COG4: variants seen among roughly 807,000 people sequenced by gnomAD.
The protein encoded by COG4 is component of oligomeric golgi complex 4.
Under a neutral mutation model 95.1 loss-of-function variants are expected in COG4, and 65 were observed. The observed-to-expected ratio is 0.68, with a 90% CI of 0.56 to 0.84. The LOEUF (loss-of-function observed/expected upper bound fraction) is 0.84. Ranked by LOEUF, COG4 falls within the 40% of genes least tolerant of loss-of-function variation. COG4 has a pLI of 0.00. For synonymous variants in COG4, 421 were observed against 374.8 expected (o/e 1.12, Z -1.42); for missense variants, 1,045 against 989.1 (o/e 1.06, Z -0.76).
Position 70,506,393 on chromosome 16 carries a change from A to G in COG4, c.1061+2013T>C, listed in dbSNP as rs1326708247. Among the ~76,000 whole-genome samples, 3 of 150,838 alleles carry G rather than the reference A, an allele frequency of 2.0e-5. No homozygotes were observed. The Admixed American group carries it at 2.0e-4, about 10-fold the overall frequency. On this transcript the variant is annotated intron_variant, in intron 8 of 18. Transcript: ENST00000323786. ...ACTCCAGCCTGGGTGACAGAGCGAGACTCCGTCTAAATTAAAAAAAACCTC... is the reference window on the plus strand; with the variant it reads ...ACTCCAGCCTGGGTGACAGAGCGAGGCTCCGTCTAAATTAAAAAAAACCTC...
chr16:70,505,005 G>T (rs1460643915), intron 8 of COG4, among the ~76,000 whole-genome samples: 1 of 151,786 alleles, frequency 6.6e-6, no homozygotes, highest in African/African-American at 2.4e-5. Flanking sequence ...GTTCAGAATA[G>T]TGTCTGGCAT....
chr16:70,511,550 A>T lies in COG4; in HGVS notation c.738+689T>A, dbSNP rs28536132. 6.7e-3 allele frequency among the ~76,000 whole-genome samples: 889 copies of T among 132,500 alleles called. 3 individuals are homozygous for T. The highest frequency in any genetic ancestry group is 0.027 in the African/African-American group (807 of 30,448). 86.9% of individuals were successfully genotyped at this position (132,500 alleles called of 152,430 possible). ...GGTAACACAGTGAGACCGTTTCTAT[A>T]AAAAAAAAAAAAAATTGCAACGCAT... On this transcript the variant is annotated intron_variant, in intron 5 of 18. Coordinates refer to ENST00000323786, the MANE Select transcript of COG4 (RefSeq NM_015386.3).
intron 8 of COG4, among the ~76,000 whole-genome samples, chr16:70,507,972 G>A (rs1350713976): frequency 6.6e-6 from 1 of 151,790 alleles, no homozygotes; most frequent in Non-Finnish European, 1.5e-5. Flanking sequence ...CCAGGCTGGA[G>A]TGCAGTGGTG....
chr16:70,507,755 G>A lies in COG4; in HGVS notation c.1061+651C>T, dbSNP rs2049608590. Among the ~76,000 whole-genome samples the A allele has an allele frequency of 3.3e-5, 5 of 151,440 alleles. No homozygotes were observed. The South Asian group carries it at 1.0e-3, about 32-fold the overall frequency. On this transcript the variant is annotated intron_variant, in intron 8 of 18. Coordinates refer to ENST00000323786, the MANE Select transcript of COG4 (RefSeq NM_015386.3). The stretch of plus-strand genomic sequence containing the variant: ...TGCACGCCTGTAGTTCCAGCTACTT[G>A]GGAGGCTGAGGGAGGAGAATCGCTT...
chr16:70,505,873 A>G (rs902503451), intron 8 of COG4, among the ~76,000 whole-genome samples: 1 of 151,948 alleles, frequency 6.6e-6, no homozygotes, highest in African/African-American at 2.4e-5. Context: ...GGCTGGATAC[A>G]GGGGCTCATG....
intron 13 of COG4, among the ~76,000 whole-genome samples, chr16:70,489,294 C>T (rs2049196573): frequency 1.3e-5 from 2 of 151,372 alleles, no homozygotes; most frequent in African/African-American, 4.9e-5. Context: ...TCTCGGCTCA[C>T]TGCAACCTCT....
At chr16:70,520,367 CGGGGGGTG>C (rs2049910379) in intron 1 of COG4, among the ~76,000 whole-genome samples, 1 of 17,690 alleles carries the variant, frequency 5.7e-5, no homozygotes, top group Non-Finnish European at 1.0e-4. Flanking sequence ...GACATGAACC[CGGGGGGTG>C]GGGGGGGGGG....
chr16:70,507,275 A>C (rs9939252), intron 8 of COG4, among the ~76,000 whole-genome samples: 20,248 of 151,794 alleles, frequency 0.13, 4,031 homozygotes, highest in African/African-American at 0.43. Context: ...ACAACAACAA[A>C]AAAAAACTGT....
At chr16:70,501,330 A>C in intron 8 of COG4, 1 of 543,988 alleles carries the variant, frequency 1.8e-6, no homozygotes. Context: ...GACCTAAATA[A>C]AAGGTTGGGA....
At chr16:70,517,227 A>G (rs1264789950) in intron 3 of COG4, among the ~76,000 whole-genome samples, 1 of 152,066 alleles carries the variant, frequency 6.6e-6, no homozygotes, top group East Asian at 1.9e-4. Flanking sequence ...TGTAGTTAGT[A>G]GAGGGCAGTA....
intron 9 of COG4, among the ~76,000 whole-genome samples, chr16:70,498,268 G>C (rs911460979): frequency 6.6e-6 from 1 of 151,036 alleles, no homozygotes; most frequent in Non-Finnish European, 1.5e-5. Flanking sequence ...TATTTTTCAT[G>C]ACTATGTGGC....
intron 1 of COG4, among the ~76,000 whole-genome samples, chr16:70,522,798 A>T (rs1039264039): frequency 7.2e-5 from 11 of 152,242 alleles, no homozygotes; most frequent in African/African-American, 1.7e-4. Flanking sequence ...ATTTGATAAA[A>T]TATCAAGGGT....
chr16:70,513,525 T>C (rs1483807483), intron 4 of COG4, among the ~76,000 whole-genome samples: 1 of 152,162 alleles, frequency 6.6e-6, no homozygotes, highest in East Asian at 1.9e-4. Flanking sequence ...CATACATACC[T>C]ACGATAAAGT....
chr16:70,513,782 A>G (rs796772179), intron 4 of COG4, among the ~76,000 whole-genome samples: 1 of 152,238 alleles, frequency 6.6e-6, no homozygotes, highest in East Asian at 1.9e-4. Flanking sequence ...TTTTTGGACT[A>G]AGGTTGACCA....
chr16:70,482,849 G>A (rs1041044760), intron 14 of COG4, 28 bp from the exon 15 acceptor site: 5 of 1,565,402 alleles, frequency 3.2e-6, no homozygotes, highest in Non-Finnish European at 4.4e-6. Context: ...GGAGACATGT[G>A]ACACAGAAGG....
chr16:70,512,041 T>C (rs1355960153), intron 5 of COG4, among the ~76,000 whole-genome samples, 198 bp downstream of exon 5: 1 of 152,180 alleles, frequency 6.6e-6, no homozygotes, highest in Non-Finnish European at 1.5e-5. Flanking sequence ...GTCTTGGCCA[T>C]GCCTGGTACA....
At chr16:70,516,475 T>C (rs2049825592) in intron 3 of COG4, among the ~76,000 whole-genome samples, 2 of 152,238 alleles carry the variant, frequency 1.3e-5, no homozygotes, top group South Asian at 4.2e-4. Context: ...TTTTTGTATT[T>C]TTAGTACAGA....
chr16:70,498,759 ATACTTTTGTATGAAAAACTTTT>A (rs771159307), intron 9 of COG4, among the ~76,000 whole-genome samples: 11 of 152,248 alleles, frequency 7.2e-5, no homozygotes, highest in Non-Finnish European at 1.5e-4. Context: ...ATTATAGTGA[ATACTTTTGTATGAAAAACTTTT>A]TACTCCTTTT....
At position 70,482,791 on chromosome 16, in the gene COG4, T is replaced by C. The variant is rs1377561023; in HGVS notation, c.1858A>G (p.Ile620Val). The C allele has an allele frequency of 1.6e-5, 26 of 1,613,864 alleles. No homozygotes were observed. The highest frequency in any genetic ancestry group is 3.3e-5 in the Admixed American group (2 of 59,992). The change falls in exon 15 of 19, where the codon ATC becomes GTC. Residue 620 changes from isoleucine to valine, a missense_variant. Physicochemically the swap from Ile to Val is conservative, Grantham distance 29. Coordinates refer to ENST00000323786, the MANE Select transcript of COG4 (RefSeq NM_015386.3). ...ATCCAAGGCTGCACCTGTGGCTTGA[T>C]GGCTGTGCTGTTGAGCTCCGTCAGC... ...EGLTELNSTAIKPQVQPWINS... is the reference protein window; with the variant it reads ...EGLTELNSTAVKPQVQPWINS...
Sources: gnomAD v4.1 joint callset for allele counts (sites outside exome capture counted in the v4.1 genomes callset) on GRCh38, gnomAD v4.1.1 for gene constraint, MANE v1.5 for transcripts, NCBI Gene and HGNC (gene_info 2026-07-23, HGNC 2026-07-21) for gene names.